Variants in SGCZ observed in about 807,000 individuals in gnomAD.
The protein encoded by SGCZ is zeta-sarcoglycan.
SGCZ carries 40 observed loss-of-function variants against 41.3 expected under a neutral mutation model. The ratio of observed to expected loss-of-function variants is 0.97; its 90% confidence interval spans 0.75 to 1.26. The LOEUF is 1.26. Among genes scored for constraint, SGCZ ranks in the 50% most tolerant of loss-of-function variants. The pLI is 0.00. For missense variants in SGCZ, 552 were observed against 369.8 expected, an observed-to-expected ratio of 1.49 and a Z score of -4.04; for synonymous variants, 206 against 137.5, an observed-to-expected ratio of 1.50 and a Z score of -3.49.
chr8:14,221,335 T>G (rs989788254), intron 4 of SGCZ, among the ~76,000 whole-genome samples: 1 of 152,208 alleles, frequency 6.6e-6, no homozygotes, highest in Admixed American at 6.5e-5. Context: ...ATTTTAAATG[T>G]AAATTTACAC....
chr8:14,739,092 G>A lies in SGCZ; in HGVS notation c.40-184166C>T, dbSNP rs564424211. On this transcript the variant is annotated intron_variant, in intron 1 of 7. Coordinates refer to ENST00000382080, the MANE Select transcript of SGCZ (RefSeq NM_139167.4). ...CCCTGAAAACATTTAATACCTATAT[G>A]TTGTTAATTACTACTGTGTATGTGT... 2.6e-5 allele frequency among the ~76,000 whole-genome samples: 4 copies of A among 152,132 alleles called. No homozygotes were observed. In the East Asian group the frequency reaches 7.7e-4, roughly 29 times the overall value.
At chr8:15,009,721 G>A (rs937910087) in intron 1 of SGCZ, among the ~76,000 whole-genome samples, 7 of 152,098 alleles carry the variant, frequency 4.6e-5, no homozygotes, top group Non-Finnish European at 1.0e-4. Context: ...CTTGATCTGT[G>A]TCCCTCACAC....
intron 1 of SGCZ, among the ~76,000 whole-genome samples, chr8:14,707,617 A>G (rs1165608869): frequency 6.6e-6 from 1 of 152,078 alleles, no homozygotes; most frequent in African/African-American, 2.4e-5. Context: ...TACAACAAAG[A>G]TTGCTTCTTT....
At chr8:14,419,717 A>C (rs1341205960) in intron 2 of SGCZ, among the ~76,000 whole-genome samples, 6 of 152,014 alleles carry the variant, frequency 3.9e-5, no homozygotes, top group African/African-American at 1.2e-4. Context: ...TTAAATTAAA[A>C]TAAACTAAAC....
At position 15,065,519 on chromosome 8, in the gene SGCZ, A is replaced by G. The variant is rs1185702446; in HGVS notation, c.39+172066T>C. On this transcript the variant is annotated intron_variant, in intron 1 of 7. Coordinates refer to ENST00000382080, the MANE Select transcript of SGCZ (RefSeq NM_139167.4). ...GAGTGCAGTGGCAGGATCTCGGCTC[A>G]CTGCAATCTCCACCTCCTAGGCTCA... Among the ~76,000 whole-genome samples the G allele has an allele frequency of 4.0e-5, 6 of 151,534 alleles. No individual in the cohort carries two copies. In the East Asian group the frequency reaches 1.2e-3, roughly 30 times the overall value.
rs183605396 is a variant in SGCZ at position 15,228,342 on chromosome 8, T to C, written c.39+9243A>G. 1.8e-3 allele frequency among the ~76,000 whole-genome samples: 278 copies of C among 152,320 alleles called. 1 individual carries two copies. Among genetic ancestry groups the C allele is most frequent in the African/African-American group, 6.3e-3 (262 of 41,580 alleles). Reference sequence around the variant, plus strand: ...ATAATTTCTCCCAGGGATGATTTAATAATGAGGAGCTTTATCATTAAGACA... The same window carrying C: ...ATAATTTCTCCCAGGGATGATTTAACAATGAGGAGCTTTATCATTAAGACA... On this transcript the variant is annotated intron_variant, in intron 1 of 7. Transcript: ENST00000382080.
intron 4 of SGCZ, among the ~76,000 whole-genome samples, chr8:14,173,420 A>G (rs1804449160): frequency 6.6e-6 from 1 of 151,724 alleles, no homozygotes; most frequent in African/African-American, 2.4e-5. Flanking sequence ...GTAAGAAAAA[A>G]GAAGGAAAAT....
intron 1 of SGCZ, among the ~76,000 whole-genome samples, chr8:14,838,303 A>G (rs1056013835): frequency 6.6e-6 from 1 of 152,172 alleles, no homozygotes; most frequent in Non-Finnish European, 1.5e-5. Flanking sequence ...GATGTTTGGT[A>G]TCTTAAAAAA....
chr8:15,002,914 T>A (rs1198354877), intron 1 of SGCZ, among the ~76,000 whole-genome samples: 3 of 152,082 alleles, frequency 2.0e-5, no homozygotes, highest in African/African-American at 4.8e-5. Flanking sequence ...GGGTTGGGTC[T>A]TTCTTGTGAT....
chr8:14,776,276 G>T (rs73531196), intron 1 of SGCZ, among the ~76,000 whole-genome samples: 10,124 of 152,000 alleles, frequency 0.067, 728 homozygotes, highest in African/African-American at 0.18. Flanking sequence ...TGAATCATGG[G>T]GGTGGTTTCC....
At chr8:15,211,739 T>C (rs890610926) in intron 1 of SGCZ, among the ~76,000 whole-genome samples, 9 of 152,298 alleles carry the variant, frequency 5.9e-5, no homozygotes, top group African/African-American at 2.2e-4. Flanking sequence ...TCTTATATCT[T>C]CAACCTCTCC....
At chr8:15,080,905 TGAAAG>T (rs1805723251) in intron 1 of SGCZ, among the ~76,000 whole-genome samples, 1 of 151,952 alleles carries the variant, frequency 6.6e-6, no homozygotes, top group Non-Finnish European at 1.5e-5. Context: ...GTTGATGTCT[TGAAAG>T]GAAGGAGACA....
At chr8:14,430,618 C>T (rs991649670) in intron 2 of SGCZ, among the ~76,000 whole-genome samples, 10 of 152,182 alleles carry the variant, frequency 6.6e-5, no homozygotes, top group Middle Eastern at 3.4e-3. Context: ...GAAAACGTTC[C>T]CTCTGAGAAC....
intron 1 of SGCZ, among the ~76,000 whole-genome samples, chr8:15,210,048 C>T (rs1384139884): frequency 1.3e-5 from 2 of 152,120 alleles, no homozygotes; most frequent in African/African-American, 4.8e-5. Flanking sequence ...ATACTTCTTA[C>T]TCATTACCAA....
intron 2 of SGCZ, among the ~76,000 whole-genome samples, chr8:14,484,883 T>C (rs974740720): frequency 6.6e-5 from 10 of 152,166 alleles, no homozygotes; most frequent in African/African-American, 2.4e-4. Context: ...TATAATAAGA[T>C]AAATTAAATG....
At chr8:14,443,512 C>T (rs1240556616) in intron 2 of SGCZ, among the ~76,000 whole-genome samples, 1 of 152,242 alleles carries the variant, frequency 6.6e-6, no homozygotes, top group East Asian at 1.9e-4. Flanking sequence ...CACCGCATAT[C>T]TACAACTATC....
intron 1 of SGCZ, among the ~76,000 whole-genome samples, chr8:14,618,276 C>G (rs898001049): frequency 6.6e-6 from 1 of 152,058 alleles, no homozygotes; most frequent in Non-Finnish European, 1.5e-5. Flanking sequence ...AGAAATAGAG[C>G]AGAATTAATT....
At chr8:14,129,345 CAAAAA>C (rs534660638) in intron 5 of SGCZ, among the ~76,000 whole-genome samples, 62 of 44,146 alleles carry the variant, frequency 1.4e-3, no homozygotes, top group African/African-American at 3.3e-3. Context: ...GACTCCGTCT[CAAAAA>C]AAAAAAAAAA....
intron 4 of SGCZ, among the ~76,000 whole-genome samples, chr8:14,199,560 A>C (rs1268809765): frequency 2.0e-5 from 3 of 152,110 alleles, no homozygotes; most frequent in Non-Finnish European, 4.4e-5. Flanking sequence ...TAAAATCACT[A>C]ATAAAAACTT....
Sources: allele counts gnomAD v4.1 joint callset (sites outside exome capture counted in the v4.1 genomes callset), GRCh38; gene constraint gnomAD v4.1.1; transcripts MANE v1.5; gene names NCBI Gene and HGNC (gene_info 2026-07-23, HGNC 2026-07-21).